The following PDZRN4 variants were observed in gnomAD, a reference collection of about 807,000 sequenced individuals.
PDZRN4 encodes PDZ domain-containing RING finger protein 4.
A neutral mutation model predicts 99.0 loss-of-function variants in PDZRN4; 70 were observed. The observed-to-expected ratio is 0.71, with a 90% CI of 0.58 to 0.86. PDZRN4 has a LOEUF of 0.86. Ranked by LOEUF, PDZRN4 falls within the 40% of genes least tolerant of loss-of-function variation. The pLI, the probability that PDZRN4 is intolerant of heterozygous loss-of-function variation, is 0.00. For missense variants in PDZRN4, 1,474 were observed against 1,331.2 expected (o/e 1.11, Z -1.67); for synonymous variants, 551 against 501.6 (o/e 1.10, Z -1.32).
chr12:41,570,560 AT>A (rs1475533937), intron 9 of PDZRN4, among the ~76,000 whole-genome samples: 1 of 152,142 alleles, frequency 6.6e-6, no homozygotes, highest in Non-Finnish European at 1.5e-5. Context: ...ATAATTTGTC[AT>A]TATTATGTCA....
At chr12:41,214,401 C>CCCCA (rs892530668) in intron 3 of PDZRN4, among the ~76,000 whole-genome samples, 1 of 118,492 alleles carries the variant, frequency 8.4e-6, no homozygotes, top group Non-Finnish European at 1.7e-5. Context: ...TGCACTCTAG[C>CCCCA]CTGGGCAATA....
intron 5 of PDZRN4, among the ~76,000 whole-genome samples, chr12:41,535,611 T>C (rs1364988814): frequency 6.6e-6 from 1 of 152,162 alleles, no homozygotes; most frequent in Non-Finnish European, 1.5e-5. Context: ...ACTGCAGTAT[T>C]GGGAGGTGGA....
chr12:41,573,246 G>A lies in PDZRN4; in HGVS notation c.2467G>A (p.Val823Ile). 1.9e-6 allele frequency: 3 copies of A among 1,614,042 alleles called. No homozygotes were observed. In the South Asian group the frequency reaches 3.3e-5, roughly 18 times the overall value. ...CAAGCTTCCTGATCAAGAGAAGGCA[G>A]TCAGCGAACACATCCCTTACCTCTC... The part of the protein sequence containing the change: ...GSKLPDQEKA[V>I]SEHIPYLSPY... Residue 823 changes from valine (V) to isoleucine (I), a missense_variant, in exon 10 of 10, where the codon GTC becomes ATC. Val to Ile is a conservative substitution (Grantham distance 29). Coordinates refer to ENST00000402685, the MANE Select transcript of PDZRN4 (RefSeq NM_001164595.2).
intron 3 of PDZRN4, among the ~76,000 whole-genome samples, chr12:41,232,099 GAC>G (rs1417808368): frequency 3.6e-5 from 4 of 109,866 alleles, no homozygotes; most frequent in Admixed American, 1.1e-4. Context: ...AAATTGCAAA[GAC>G]ATGTTGTAGA....
chr12:41,321,412 T>C (rs1951676680), intron 3 of PDZRN4, among the ~76,000 whole-genome samples: 1 of 152,214 alleles, frequency 6.6e-6, no homozygotes, highest in South Asian at 2.1e-4. Context: ...TGTGCAGATT[T>C]CACTGATCTT....
chr12:41,386,270 C>G (rs930988653), intron 3 of PDZRN4, among the ~76,000 whole-genome samples: 3 of 152,220 alleles, frequency 2.0e-5, no homozygotes, highest in African/African-American at 7.2e-5. Flanking sequence ...AAGATATTCT[C>G]TCTCACTACT....
intron 1 of PDZRN4, among the ~76,000 whole-genome samples, chr12:41,191,148 A>G (rs1184509986): frequency 2.0e-5 from 3 of 152,208 alleles, no homozygotes; most frequent in Admixed American, 6.5e-5. Context: ...TCTGTTTTCA[A>G]TTGCAGTGAA....
At chr12:41,233,803 G>A (rs189550213) in intron 3 of PDZRN4, among the ~76,000 whole-genome samples, 25 of 151,640 alleles carry the variant, frequency 1.6e-4, no homozygotes, top group Non-Finnish European at 2.5e-4. Context: ...TGGGGGGAGC[G>A]GGGGGGAGAT....
intron 3 of PDZRN4, among the ~76,000 whole-genome samples, chr12:41,225,605 C>G (rs1440097444): frequency 6.6e-6 from 1 of 151,716 alleles, no homozygotes; most frequent in South Asian, 2.1e-4. Flanking sequence ...CAAAACACAC[C>G]TATTTTAATT....
At chr12:41,550,673 A>C (rs1046082727) in intron 5 of PDZRN4, among the ~76,000 whole-genome samples, 2 of 152,164 alleles carry the variant, frequency 1.3e-5, no homozygotes, top group African/African-American at 4.8e-5. Context: ...TTTGTCCACC[A>C]GTCAGAAAGT....
intron 3 of PDZRN4, among the ~76,000 whole-genome samples, chr12:41,457,940 A>G (rs1952830413): frequency 6.6e-6 from 1 of 152,176 alleles, no homozygotes; most frequent in Non-Finnish European, 1.5e-5. Context: ...TTTCAGGCAA[A>G]TCATTATATA....
intron 3 of PDZRN4, among the ~76,000 whole-genome samples, chr12:41,383,924 G>A (rs1399628927): frequency 6.7e-6 from 1 of 148,824 alleles, no homozygotes; most frequent in African/African-American, 2.5e-5. Context: ...CATGATACAG[G>A]AGGAATGAGA....
At chr12:41,335,972 C>T (rs1951770852) in intron 3 of PDZRN4, among the ~76,000 whole-genome samples, 3 of 152,000 alleles carry the variant, frequency 2.0e-5, no homozygotes, top group Admixed American at 2.0e-4. Flanking sequence ...AGAACAACTC[C>T]TTTTAGGATA....
At chr12:41,323,411 A>T (rs1286161495) in intron 3 of PDZRN4, among the ~76,000 whole-genome samples, 5 of 152,138 alleles carry the variant, frequency 3.3e-5, no homozygotes, top group African/African-American at 7.2e-5. Flanking sequence ...ATAGATATCT[A>T]AAAAAAGATA....
chr12:41,209,449 A>G (rs1188795653), intron 3 of PDZRN4, among the ~76,000 whole-genome samples: 1 of 151,258 alleles, frequency 6.6e-6, no homozygotes, highest in East Asian at 2.0e-4. Flanking sequence ...GCACCCATTA[A>G]CTCGTCATTT....
intron 3 of PDZRN4, among the ~76,000 whole-genome samples, chr12:41,370,699 A>G (rs972620637): frequency 6.6e-6 from 1 of 151,850 alleles, no homozygotes; most frequent in Non-Finnish European, 1.5e-5. Flanking sequence ...TATACTAGAC[A>G]TTTTTAAACC....
intron 5 of PDZRN4, among the ~76,000 whole-genome samples, chr12:41,534,229 T>C (rs1368329307): frequency 1.3e-5 from 2 of 152,196 alleles, no homozygotes; most frequent in Non-Finnish European, 2.9e-5. Flanking sequence ...CGTTCCTTTT[T>C]AAACCACAGA....
At position 41,555,679 on chromosome 12, in the gene PDZRN4, T is replaced by C; in HGVS notation, c.1303-19T>C. The C allele has an allele frequency of 1.3e-6, 2 of 1,589,782 alleles. No individual in the cohort carries two copies. Among genetic ancestry groups the C allele is most frequent in the East Asian group, 4.5e-5 (2 of 44,764 alleles). On this transcript the variant is annotated intron_variant, in intron 6 of 9. Transcript: ENST00000402685. ...AATGTTTCATACCCAGTTGAAGATG[T>C]ATGTCCTCTTCATTACAGGTTGACC...
At chr12:41,473,040 A>T (rs1953007913) in intron 3 of PDZRN4, among the ~76,000 whole-genome samples, 1 of 152,214 alleles carries the variant, frequency 6.6e-6, no homozygotes, top group Non-Finnish European at 1.5e-5. Context: ...AACAGAAAAG[A>T]CAAAAGAAGT....
Sources: gnomAD v4.1 joint callset for allele counts (sites outside exome capture counted in the v4.1 genomes callset) on GRCh38, gnomAD v4.1.1 for gene constraint, MANE v1.5 for transcripts, NCBI Gene and HGNC (gene_info 2026-07-23, HGNC 2026-07-21) for gene names.